Variants in PALM observed in about 807,000 individuals in gnomAD.
PALM encodes the protein paralemmin, also known as paralemmin-1.
A neutral mutation model predicts 30.7 loss-of-function variants in PALM; 18 were observed. That is an observed-to-expected ratio of 0.59 (90% CI 0.41 to 0.87). The LOEUF (loss-of-function observed/expected upper bound fraction) is 0.87. PALM is among the 40% of genes least tolerant of loss of function. The probability of loss-of-function intolerance (pLI) is 0.00; values close to 1 mark genes in which losing one functional copy is unlikely to be tolerated. For missense variants in PALM, 529 were observed against 555.4 expected (o/e 0.95, Z 0.48); for synonymous variants, 286 against 242.8 (o/e 1.18, Z -1.66).
chr19:710,012 C>T (rs1486317220), intron 1 of PALM, among the ~76,000 whole-genome samples: 1 of 152,172 alleles, frequency 6.6e-6, no homozygotes, highest in African/African-American at 2.4e-5. Flanking sequence ...GCCCCTCACT[C>T]CCACAGGTGG....
At chr19:727,231 T>C (rs868250130) in intron 3 of PALM, 143 bp downstream of exon 3, 58 of 593,230 alleles carry the variant, frequency 9.8e-5, no homozygotes, top group Non-Finnish European at 1.4e-4. Context: ...ACCCCGACCC[T>C]GACCCCGACC....
chr19:713,210 G>C (rs976376325), intron 1 of PALM, among the ~76,000 whole-genome samples: 12 of 152,062 alleles, frequency 7.9e-5, no homozygotes, highest in Non-Finnish European at 1.8e-4. Context: ...TCCTGGTGTC[G>C]GCTTTCAATC....
chr19:731,603 G>A (rs11670596), intron 5 of PALM, among the ~76,000 whole-genome samples: 1,687 of 36,742 alleles, frequency 0.046, 112 homozygotes, highest in East Asian at 0.35. Flanking sequence ...CAGGAGACCC[G>A]CCTGGGGGCG....
chr19:740,549 G>A (rs2033158702), intron 8 of PALM, 66 bp downstream of exon 8: 3 of 1,440,376 alleles, frequency 2.1e-6, no homozygotes, highest in South Asian at 1.3e-5. Flanking sequence ...TGTGCTCCCA[G>A]CGTGTGGGTC....
chr19:711,414 G>T (rs1000131498), intron 1 of PALM, among the ~76,000 whole-genome samples: 3 of 152,162 alleles, frequency 2.0e-5, no homozygotes, highest in Non-Finnish European at 4.4e-5. Flanking sequence ...ACAGACTTGG[G>T]CCTGGACAGA....
chr19:733,615 G>T (rs2032934669), intron 5 of PALM, among the ~76,000 whole-genome samples: 1 of 152,214 alleles, frequency 6.6e-6, no homozygotes, highest in Non-Finnish European at 1.5e-5. Flanking sequence ...GACGAGACTG[G>T]AGGGGGCACG....
chr19:730,175 C>A (rs1408214584), intron 4 of PALM, among the ~76,000 whole-genome samples: 2 of 151,180 alleles, frequency 1.3e-5, no homozygotes, highest in African/African-American at 4.9e-5. Flanking sequence ...TGTGGGCTCC[C>A]AGACACCTCC....
intron 7 of PALM, among the ~76,000 whole-genome samples, chr19:738,342 C>G (rs151221883): frequency 0.014 from 2,087 of 152,120 alleles, 45 homozygotes; most frequent in African/African-American, 0.047. Flanking sequence ...TTGGCTAACA[C>G]GGTGAAACCC....
intron 4 of PALM, among the ~76,000 whole-genome samples, chr19:730,889 T>C (rs1321032339): frequency 2.0e-5 from 3 of 152,008 alleles, no homozygotes; most frequent in African/African-American, 7.2e-5. Flanking sequence ...TAATCCCAGC[T>C]ACTCGAGACC....
chr19:744,128 T>C (rs1971635), intron 8 of PALM, among the ~76,000 whole-genome samples: 77,736 of 151,852 alleles, frequency 0.51, 21,587 homozygotes, highest in East Asian at 0.72. Context: ...TGGCCGGGCA[T>C]GGTGGCTCAC....
Position 734,213 on chromosome 19 carries a change from A to C in PALM, c.442+19A>C. On this transcript the variant is annotated intron_variant, in intron 6 of 8. Coordinates refer to ENST00000338448, the MANE Select transcript of PALM (RefSeq NM_002579.3). Reference sequence around the variant, plus strand: ...CCCAAAGGTAGGACCTCTGGAAGGAACTCGTGGGGCCTCGGCGCACTCTGG... The same window carrying C: ...CCCAAAGGTAGGACCTCTGGAAGGACCTCGTGGGGCCTCGGCGCACTCTGG... 1 of 1,612,218 alleles carries C rather than the reference A, an allele frequency of 6.2e-7. No individual in the cohort carries two copies. The highest frequency in any genetic ancestry group is 8.5e-7 in the Non-Finnish European group (1 of 1,179,002).
intron 1 of PALM, among the ~76,000 whole-genome samples, chr19:725,330 G>A (rs1235140844): frequency 2.7e-5 from 4 of 149,998 alleles, no homozygotes; most frequent in Admixed American, 1.4e-4. Context: ...AGGCCAAGGC[G>A]GGCGGATCAC....
At chr19:743,095 C>T (rs570049320) in intron 8 of PALM, among the ~76,000 whole-genome samples, 3 of 152,172 alleles carry the variant, frequency 2.0e-5, no homozygotes, top group Non-Finnish European at 4.4e-5. Context: ...GACGTGGGGT[C>T]TCCCTGTGGT....
chr19:711,129 T>C, intron 1 of PALM: 3 of 883,590 alleles, frequency 3.4e-6, no homozygotes, highest in African/African-American at 1.8e-5. Flanking sequence ...CAAGAACAGG[T>C]TATTTTTTGT....
At chr19:720,234 C>T (rs921774706) in intron 1 of PALM, among the ~76,000 whole-genome samples, 45 of 151,870 alleles carry the variant, frequency 3.0e-4, no homozygotes, top group Non-Finnish European at 5.7e-4. Context: ...CTCGGCGTTG[C>T]CATGGGGACG....
intron 1 of PALM, among the ~76,000 whole-genome samples, chr19:721,970 G>C (rs2032497855): frequency 6.6e-6 from 1 of 151,800 alleles, no homozygotes; most frequent in African/African-American, 2.4e-5. Flanking sequence ...CCAGGCTGGA[G>C]TGCAGTGGCG....
intron 3 of PALM, among the ~76,000 whole-genome samples, 164 bp downstream of exon 3, chr19:727,252 C>G (rs1845958035): frequency 7.0e-6 from 1 of 143,228 alleles, no homozygotes; most frequent in Non-Finnish European, 1.5e-5. Context: ...CCGACCCCGA[C>G]CCTGACCCCA....
intron 1 of PALM, among the ~76,000 whole-genome samples, chr19:714,657 C>A (rs897503705): frequency 2.6e-5 from 4 of 151,856 alleles, no homozygotes; most frequent in African/African-American, 9.7e-5. Context: ...CGCGCCCAGC[C>A]TTCTTTTTTT....
intron 7 of PALM, among the ~76,000 whole-genome samples, chr19:738,854 G>A (rs1439993877): frequency 6.6e-6 from 1 of 152,206 alleles, no homozygotes; most frequent in Non-Finnish European, 1.5e-5. Flanking sequence ...GGGGACCGAT[G>A]GCCCCTCAGA....
Sources: gnomAD v4.1 joint callset for allele counts (sites outside exome capture counted in the v4.1 genomes callset) on GRCh38, gnomAD v4.1.1 for gene constraint, MANE v1.5 for transcripts, NCBI Gene and HGNC (gene_info 2026-07-23, HGNC 2026-07-21) for gene names.